Variants in CCSER1 observed in about 807,000 individuals in gnomAD.
CCSER1 encodes coiled-coil serine rich protein 1.
Under a neutral mutation model 82.0 loss-of-function variants are expected in CCSER1, and 41 were observed. The ratio of observed to expected loss-of-function variants is 0.50; its 90% CI spans 0.39 to 0.65. The LOEUF is 0.65. Ranked by LOEUF, CCSER1 falls within the 30% of genes least tolerant of loss-of-function variation. CCSER1 has a pLI of 0.00. For synonymous variants in CCSER1, 414 were observed against 383.9 expected (o/e 1.08, Z -0.92); for missense variants, 1,119 against 1,064.2 (o/e 1.05, Z -0.72).
At chr4:90,552,891 C>T (rs1560708192) in intron 5 of CCSER1, among the ~76,000 whole-genome samples, 1 of 152,040 alleles carries the variant, frequency 6.6e-6, no homozygotes, top group African/African-American at 2.4e-5. Flanking sequence ...GACCTATGCT[C>T]TTAAGTTTGT....
intron 10 of CCSER1, among the ~76,000 whole-genome samples, chr4:91,443,422 G>C (rs1309273732): frequency 6.7e-6 from 1 of 148,196 alleles, no homozygotes. Flanking sequence ...ACCAAACACT[G>C]CATGTTCTCA....
chr4:90,494,416 T>G (rs537684081), intron 5 of CCSER1, among the ~76,000 whole-genome samples: 59 of 152,284 alleles, frequency 3.9e-4, no homozygotes, highest in African/African-American at 1.3e-3. Context: ...CAAGCAGACC[T>G]AATAGACATC....
At chr4:90,441,823 G>T (rs1358264215) in intron 4 of CCSER1, among the ~76,000 whole-genome samples, 1 of 152,228 alleles carries the variant, frequency 6.6e-6, no homozygotes, top group Non-Finnish European at 1.5e-5. Context: ...ATGGATGAAT[G>T]ATTATAGATG....
chr4:90,727,603 A>G (rs1205711331), intron 7 of CCSER1, among the ~76,000 whole-genome samples: 1 of 152,152 alleles, frequency 6.6e-6, no homozygotes, highest in African/African-American at 2.4e-5. Flanking sequence ...GATGGCTTCA[A>G]GCCACTACAT....
intron 3 of CCSER1, among the ~76,000 whole-genome samples, chr4:90,398,761 T>C (rs1462631328): frequency 6.6e-6 from 1 of 152,178 alleles, no homozygotes; most frequent in African/African-American, 2.4e-5. Flanking sequence ...TTACCTTCGT[T>C]TGGAGAAAGA....
At chr4:91,103,656 A>G (rs902917386) in intron 10 of CCSER1, among the ~76,000 whole-genome samples, 2 of 152,124 alleles carry the variant, frequency 1.3e-5, no homozygotes, top group Non-Finnish European at 2.9e-5. Flanking sequence ...CCTGTCTTTA[A>G]TCTCTTAATC....
At chr4:90,963,174 A>G (rs901333925) in intron 9 of CCSER1, among the ~76,000 whole-genome samples, 24 of 152,240 alleles carry the variant, frequency 1.6e-4, no homozygotes, top group African/African-American at 5.5e-4. Flanking sequence ...AGATTAGTCT[A>G]TTTAAAGGCG....
intron 10 of CCSER1, among the ~76,000 whole-genome samples, chr4:91,192,214 C>G (rs970803220): frequency 6.6e-6 from 1 of 152,044 alleles, no homozygotes; most frequent in Non-Finnish European, 1.5e-5. Context: ...CCCCCATGGA[C>G]TTGCCTTTTA....
chr4:90,693,909 A>T (rs1736500858), intron 6 of CCSER1, among the ~76,000 whole-genome samples: 3 of 147,392 alleles, frequency 2.0e-5, no homozygotes. Context: ...AGAAAGAAGA[A>T]AGAGGAGGAG....
intron 9 of CCSER1, among the ~76,000 whole-genome samples, chr4:91,062,081 A>T (rs1581452804): frequency 6.6e-6 from 1 of 152,028 alleles, no homozygotes. Context: ...TAAATACTAC[A>T]TAAATACACC....
intron 10 of CCSER1, among the ~76,000 whole-genome samples, chr4:91,592,871 T>G (rs1167585861): frequency 6.6e-6 from 1 of 152,156 alleles, no homozygotes; most frequent in East Asian, 1.9e-4. Flanking sequence ...AAATATATTT[T>G]AAAGTCAATG....
At chr4:90,238,838 GATTTCTTCTAGC>G in intron 1 of CCSER1, among the ~76,000 whole-genome samples, 1 of 152,026 alleles carries the variant, frequency 6.6e-6, no homozygotes, top group South Asian at 2.1e-4. Context: ...TAGCTTGGTG[GATTTCTTCTAGC>G]ATTAATTTTT....
At chr4:90,657,920 A>G (rs756999674) in intron 6 of CCSER1, among the ~76,000 whole-genome samples, 1 of 152,174 alleles carries the variant, frequency 6.6e-6, no homozygotes, top group African/African-American at 2.4e-5. Context: ...CCTTGCCAAC[A>G]TGGCAAACCC....
chr4:90,961,873 T>C (rs1734083914), intron 9 of CCSER1, among the ~76,000 whole-genome samples: 2 of 152,062 alleles, frequency 1.3e-5, no homozygotes, highest in South Asian at 4.1e-4. Flanking sequence ...TTGAAATTAA[T>C]TAATTTGGAT....
intron 10 of CCSER1, among the ~76,000 whole-genome samples, chr4:91,461,096 G>T (rs1383818619): frequency 1.3e-5 from 2 of 152,150 alleles, no homozygotes; most frequent in Non-Finnish European, 2.9e-5. Flanking sequence ...TATCTAGATG[G>T]TTGTAAATTT....
At chr4:90,946,914 T>C (rs546145794) in intron 9 of CCSER1, among the ~76,000 whole-genome samples, 3 of 152,302 alleles carry the variant, frequency 2.0e-5, no homozygotes, top group African/African-American at 7.2e-5. Context: ...GATTTCTTGC[T>C]TGTGCTATGT....
chr4:90,760,062 TG>T (rs1344434937), intron 7 of CCSER1, among the ~76,000 whole-genome samples: 3 of 152,012 alleles, frequency 2.0e-5, no homozygotes, highest in African/African-American at 7.2e-5. Context: ...AGTTTCACTA[TG>T]AAGAAAATAT....
At chr4:91,086,386 T>C (rs1723397274) in intron 10 of CCSER1, among the ~76,000 whole-genome samples, 1 of 152,086 alleles carries the variant, frequency 6.6e-6, no homozygotes. Context: ...GATTCCTCAT[T>C]TTCCTGTCAA....
intron 1 of CCSER1, among the ~76,000 whole-genome samples, chr4:90,168,391 G>A (rs1430241139): frequency 2.0e-5 from 3 of 152,164 alleles, no homozygotes; most frequent in Non-Finnish European, 4.4e-5. Context: ...TGTCAGATGA[G>A]TAGATTGAAA....
Sources: allele counts gnomAD v4.1 joint callset (sites outside exome capture counted in the v4.1 genomes callset), GRCh38; gene constraint gnomAD v4.1.1; transcripts MANE v1.5; gene names NCBI Gene and HGNC (gene_info 2026-07-23, HGNC 2026-07-21).